SIDT1: variants seen among roughly 807,000 people sequenced by gnomAD.
SIDT1 encodes the protein SID1 transmembrane family member 1.
In SIDT1, 101 loss-of-function variants were observed where a neutral mutation model predicts 107.5. The ratio of observed to expected loss-of-function variants is 0.94; its 90% CI spans 0.80 to 1.11. The LOEUF is 1.11. Among genes scored for constraint, SIDT1 ranks in the 50% least tolerant of loss-of-function variants. The probability of loss-of-function intolerance (pLI) is 0.00; values close to 1 mark genes in which losing one functional copy is unlikely to be tolerated. For missense variants in SIDT1, 1,076 were observed against 1,058.2 expected, an observed-to-expected ratio of 1.02 and a Z score of -0.23; for synonymous variants, 395 against 398.2, an observed-to-expected ratio of 0.99 and a Z score of 0.10.
chr3:113,569,292 T>A (rs538924421), intron 3 of SIDT1, among the ~76,000 whole-genome samples: 2 of 152,164 alleles, frequency 1.3e-5, no homozygotes, highest in African/African-American at 4.8e-5. Flanking sequence ...ATGGCTATGT[T>A]TGACGATAAT....
At chr3:113,614,992 T>A (rs1946002044) in intron 19 of SIDT1, 1 of 1,487,652 alleles carries the variant, frequency 6.7e-7, no homozygotes, top group South Asian at 1.2e-5. Context: ...ACCAGTAGTT[T>A]ACATGTTTGG....
At chr3:113,605,336 G>C (rs13314781) in intron 14 of SIDT1, among the ~76,000 whole-genome samples, 2 of 151,920 alleles carry the variant, frequency 1.3e-5, no homozygotes, top group Non-Finnish European at 2.9e-5. Flanking sequence ...ATGTTGACCA[G>C]GCTGGTCTCA....
intron 1 of SIDT1, among the ~76,000 whole-genome samples, chr3:113,554,707 A>G (rs1428450860): frequency 1.3e-5 from 2 of 152,072 alleles, no homozygotes; most frequent in African/African-American, 4.8e-5. Context: ...CATCATTCTT[A>G]TGTGTTTGGG....
chr3:113,634,363 C>G (rs915489929), downstream of SIDT1, among the ~76,000 whole-genome samples: 1 of 152,142 alleles, frequency 6.6e-6, no homozygotes, highest in Non-Finnish European at 1.5e-5. Context: ...GTCATTAAAA[C>G]AGCCAACATT....
chr3:113,606,743 T>C (rs1179630843), intron 14 of SIDT1: 2 of 269,050 alleles, frequency 7.4e-6, no homozygotes, highest in African/African-American at 4.3e-5. Context: ...ATGTTCGCAT[T>C]CTTTCGTAGT....
intron 1 of SIDT1, among the ~76,000 whole-genome samples, chr3:113,545,209 T>C (rs919503948): frequency 8.7e-5 from 13 of 149,326 alleles, no homozygotes; most frequent in African/African-American, 3.2e-4. Flanking sequence ...TTTCAACAAC[T>C]AGTTTTAGCA....
At chr3:113,548,501 C>A (rs887207034) in intron 1 of SIDT1, among the ~76,000 whole-genome samples, 1 of 152,022 alleles carries the variant, frequency 6.6e-6, no homozygotes, top group African/African-American at 2.4e-5. Context: ...TCGGAACATG[C>A]CACTCCACTA....
At chr3:113,626,497 C>T (rs1263983567) in intron 24 of SIDT1, among the ~76,000 whole-genome samples, 2 of 152,122 alleles carry the variant, frequency 1.3e-5, no homozygotes, top group East Asian at 3.8e-4. Flanking sequence ...GTTATTAGAC[C>T]CACATGCCCA....
chr3:113,565,301 G>A (rs1334192064), intron 1 of SIDT1, among the ~76,000 whole-genome samples: 3 of 152,148 alleles, frequency 2.0e-5, no homozygotes, highest in Admixed American at 6.5e-5. Flanking sequence ...GGAGGCTGAG[G>A]CGGGCAGATC....
At chr3:113,601,349 T>A in intron 10 of SIDT1, 2 of 378,192 alleles carry the variant, frequency 5.3e-6, no homozygotes, top group Non-Finnish European at 9.5e-6. Flanking sequence ...TTATTCTTCT[T>A]TGGATTTTTT....
intron 1 of SIDT1, among the ~76,000 whole-genome samples, chr3:113,546,148 TC>T (rs1458600232): frequency 3.9e-5 from 6 of 152,110 alleles, no homozygotes; most frequent in African/African-American, 1.2e-4. Flanking sequence ...AATCCTGTTT[TC>T]CCCCTGAGAT....
chr3:113,542,189 T>C lies in SIDT1; in HGVS notation c.222+8946T>C, dbSNP rs116998489. ...CCACCTGCCTCAGACTCCCACAGTC[T>C]TGGGATTACAGGTGTAAGCCACCAC... On this transcript the variant is annotated intron_variant, in intron 1 of 24. Transcript: ENST00000264852. Among the ~76,000 whole-genome samples the C allele has an allele frequency of 7.9e-3, 1,196 of 152,260 alleles. 14 individuals are homozygous for C. The highest frequency in any genetic ancestry group is 0.064 in the East Asian group (333 of 5,174).
chr3:113,627,532 T>A (rs1304120662), intron 24 of SIDT1, 114 bp from the exon 25 acceptor site: 29 of 906,914 alleles, frequency 3.2e-5, no homozygotes, highest in Non-Finnish European at 5.4e-6. Context: ...GCAGAAGGCA[T>A]GAGAATGAGA....
At chr3:113,556,140 T>C (rs539238515) in intron 1 of SIDT1, among the ~76,000 whole-genome samples, 1 of 152,312 alleles carries the variant, frequency 6.6e-6, no homozygotes, top group South Asian at 2.1e-4. Flanking sequence ...GCCTCCTAGC[T>C]AGTAGGTGTT....
chr3:113,618,832 T>G lies in SIDT1; in HGVS notation c.2044-848T>G, dbSNP rs181848131. Among the ~76,000 whole-genome samples the G allele has an allele frequency of 1.1e-3, 162 of 152,326 alleles. 1 individual carries two copies. Among genetic ancestry groups the G allele is most frequent in the Admixed American group, 3.6e-3 (55 of 15,302 alleles). ...AATTGTCATTTATTTGTTTGTTTGTTTATTTATTTTGGGACAGAGTCTTGC... is the reference window on the plus strand; with the variant it reads ...AATTGTCATTTATTTGTTTGTTTGTGTATTTATTTTGGGACAGAGTCTTGC... On this transcript the variant is annotated intron_variant, in intron 20 of 24. Transcript: ENST00000264852.
In SIDT1 at chr3:113,629,516, G is replaced by C. The variant is rs1471112381; in HGVS notation, c.*1808G>C. 4 of 152,172 alleles carry C rather than the reference G, an allele frequency of 2.6e-5. No homozygotes were observed. Among genetic ancestry groups the C allele is most frequent in the Non-Finnish European group, 5.9e-5 (4 of 68,042 alleles). The allele number at this position is 152,172 out of a possible 1,614,324, so 9.4% of individuals were successfully genotyped here. On this transcript the variant is annotated 3_prime_UTR_variant, in exon 25 of 25. Coordinates refer to ENST00000264852, the MANE Select transcript of SIDT1 (RefSeq NM_017699.3). ...TGTGCCCCTGCACTCCAGCCTGGAT[G>C]ACAGAGTGAGACCCCATCTCTTAAA...
intron 3 of SIDT1, among the ~76,000 whole-genome samples, chr3:113,571,457 C>G (rs141657543): frequency 6.9e-6 from 1 of 145,920 alleles, no homozygotes; most frequent in Non-Finnish European, 1.5e-5. Context: ...TACTTTAAAG[C>G]ATTGCTTGGT....
At chr3:113,587,504 C>T (rs960227928) in intron 9 of SIDT1, among the ~76,000 whole-genome samples, 4 of 152,172 alleles carry the variant, frequency 2.6e-5, no homozygotes, top group African/African-American at 9.7e-5. Flanking sequence ...GTGCCAGGCT[C>T]TGTGCTCTAA....
intron 8 of SIDT1, 40 bp from the exon 9 acceptor site, chr3:113,585,137 G>GGTCAAA: frequency 7.2e-7 from 1 of 1,395,052 alleles, no homozygotes; most frequent in Admixed American, 1.7e-5. Flanking sequence ...CTTCTTTTCT[G>GGTCAAA]CAGAGGATGA....
Sources: gnomAD v4.1 joint callset for allele counts (sites outside exome capture counted in the v4.1 genomes callset) on GRCh38, gnomAD v4.1.1 for gene constraint, MANE v1.5 for transcripts, NCBI Gene and HGNC (gene_info 2026-07-23, HGNC 2026-07-21) for gene names.